COL23A1: variants seen among roughly 807,000 people sequenced by gnomAD.
COL23A1 encodes collagen type XXIII alpha 1 chain, also known as collagen alpha-1(XXIII) chain.
COL23A1 carries 97 observed loss-of-function variants against 99.3 expected under a neutral mutation model. The observed-to-expected ratio is 0.98, with a 90% CI of 0.83 to 1.16. The LOEUF is 1.16. Ranked by LOEUF, COL23A1 falls within the 50% of genes most tolerant of loss-of-function variation. The probability of loss-of-function intolerance (pLI) is 0.00; values close to 1 mark genes in which losing one functional copy is unlikely to be tolerated. For synonymous variants in COL23A1, 320 were observed against 308.2 expected, an observed-to-expected ratio of 1.04 and a Z score of -0.40; for missense variants, 762 against 757.4, an observed-to-expected ratio of 1.01 and a Z score of -0.07.
intron 2 of COL23A1, among the ~76,000 whole-genome samples, chr5:178,431,966 G>C (rs1282304547): frequency 1.3e-5 from 2 of 152,210 alleles, no homozygotes; most frequent in Non-Finnish European, 2.9e-5. Context: ...CTCTGACTCA[G>C]ACTTTCTCTG....
At chr5:178,251,792 A>G (rs1765042205) in intron 17 of COL23A1, among the ~76,000 whole-genome samples, 1 of 151,448 alleles carries the variant, frequency 6.6e-6, no homozygotes, top group Admixed American at 6.6e-5. Flanking sequence ...TCCAGTATTT[A>G]TTATTCCCAT....
In COL23A1 at chr5:178,308,506, G is replaced by C. The variant is rs1758487911; in HGVS notation, c.362-1587C>G. Among the ~76,000 whole-genome samples, 2 of 152,190 alleles carry C rather than the reference G, an allele frequency of 1.3e-5. No individual in the cohort carries two copies. Among genetic ancestry groups the C allele is most frequent in the African/African-American group, 4.8e-5 (2 of 41,432 alleles). On this transcript the variant is annotated intron_variant, in intron 2 of 28. Transcript: ENST00000390654. The surrounding 1 kb of genome is among the most constrained non-coding windows in gnomAD (Gnocchi z 5.1). ...AATTGCCAGGGGCTGTGTTGAGCTG[G>C]TGAGGCTAGGACTCTGGGACCCTCA...
Position 178,250,119 on chromosome 5 carries a change from G to A in COL23A1, c.1015-14C>T, listed in dbSNP as rs796447907. On this transcript the variant is annotated splice_polypyrimidine_tract_variant and intron_variant, in intron 17 of 28. Coordinates refer to ENST00000390654, the MANE Select transcript of COL23A1 (RefSeq NM_173465.4). ...TCCAAGCTCGCCCTGGAAGGGAAGA[G>A]ATGGCAAGAGGGGTTATGCCTTCCT... 6.2e-7 allele frequency: 1 copy of A among 1,614,098 alleles called. No individual in the cohort carries two copies. Among genetic ancestry groups the A allele is most frequent in the South Asian group, 1.1e-5 (1 of 91,078 alleles).
intron 2 of COL23A1, among the ~76,000 whole-genome samples, chr5:178,500,744 A>C (rs1331364685): frequency 6.6e-6 from 1 of 152,160 alleles, no homozygotes; most frequent in African/African-American, 2.4e-5. Flanking sequence ...AAAAACATTA[A>C]AATTTTTAGA....
chr5:178,451,972 CA>C (rs1016511155), intron 2 of COL23A1, among the ~76,000 whole-genome samples: 104 of 151,976 alleles, frequency 6.8e-4, no homozygotes, highest in African/African-American at 2.4e-3. Context: ...ATAATTCACA[CA>C]AAAAAATACC....
chr5:178,463,917 C>G (rs1756268275), intron 2 of COL23A1, among the ~76,000 whole-genome samples: 1 of 152,058 alleles, frequency 6.6e-6, no homozygotes. Flanking sequence ...GTGCAGAGAC[C>G]TCAGGCTGCA....
chr5:178,376,773 G>C (rs1414385302), intron 2 of COL23A1, among the ~76,000 whole-genome samples: 2 of 152,196 alleles, frequency 1.3e-5, no homozygotes, highest in African/African-American at 4.8e-5. Flanking sequence ...CCATCTGCAA[G>C]GCGAAAGTCA....
At chr5:178,330,397 C>T (rs896424168) in intron 2 of COL23A1, among the ~76,000 whole-genome samples, 11 of 152,210 alleles carry the variant, frequency 7.2e-5, no homozygotes, top group Non-Finnish European at 1.5e-4. Context: ...TGGCCCATGC[C>T]TGTAATCCCA....
Position 178,267,352 on chromosome 5 carries a change from G to C in COL23A1, c.496-19C>G. Reference sequence around the variant, plus strand: ...GTGCACCCTGGGAACAAAAGACAGGGAGAGGCATCACCACTGCTTTCATCG... The same window carrying C: ...GTGCACCCTGGGAACAAAAGACAGGCAGAGGCATCACCACTGCTTTCATCG... On this transcript the variant is annotated intron_variant, in intron 7 of 28. Transcript: ENST00000390654. The C allele has an allele frequency of 6.2e-7, 1 of 1,613,460 alleles. No homozygotes were observed. Among genetic ancestry groups the C allele is most frequent in the Non-Finnish European group, 8.5e-7 (1 of 1,179,738 alleles).
intron 2 of COL23A1, among the ~76,000 whole-genome samples, chr5:178,449,941 A>C (rs951295152): frequency 2.6e-5 from 4 of 152,084 alleles, no homozygotes; most frequent in Non-Finnish European, 5.9e-5. Flanking sequence ...CAGAAGAACA[A>C]CACCTGACCT....
chr5:178,586,863 G>C (rs146218858), intron 1 of COL23A1, among the ~76,000 whole-genome samples: 1 of 152,278 alleles, frequency 6.6e-6, no homozygotes, highest in Non-Finnish European at 1.5e-5. Flanking sequence ...ATTTGACTCT[G>C]GGTTGACAGT....
chr5:178,322,415 C>G (rs760964208), intron 2 of COL23A1, among the ~76,000 whole-genome samples: 1 of 152,222 alleles, frequency 6.6e-6, no homozygotes, highest in Non-Finnish European at 1.5e-5. Context: ...TGGCATGAGC[C>G]GCTGCATGTG....
intron 2 of COL23A1, among the ~76,000 whole-genome samples, chr5:178,555,252 C>A (rs1031984911): frequency 1.3e-5 from 2 of 152,130 alleles, no homozygotes; most frequent in Non-Finnish European, 2.9e-5. Flanking sequence ...TTGTTATCTC[C>A]AAACACAGTC....
chr5:178,319,514 G>A (rs1759168560), intron 2 of COL23A1, among the ~76,000 whole-genome samples: 1 of 152,230 alleles, frequency 6.6e-6, no homozygotes. Context: ...TAGGTGGGCA[G>A]GTGAGGCCTG....
chr5:178,320,946 T>G (rs1212766411), intron 2 of COL23A1, among the ~76,000 whole-genome samples: 1 of 152,226 alleles, frequency 6.6e-6, no homozygotes, highest in Non-Finnish European at 1.5e-5. Flanking sequence ...GGCTGTGCGC[T>G]CAGCCATAGG....
chr5:178,374,976 G>A (rs916286275), intron 2 of COL23A1, among the ~76,000 whole-genome samples: 1 of 152,180 alleles, frequency 6.6e-6, no homozygotes, highest in African/African-American at 2.4e-5. Flanking sequence ...GCACACAAAT[G>A]TTCATAGAAG....
At chr5:178,337,769 G>A (rs1043278309) in intron 2 of COL23A1, among the ~76,000 whole-genome samples, 2 of 152,142 alleles carry the variant, frequency 1.3e-5, no homozygotes, top group African/African-American at 2.4e-5. Flanking sequence ...ATCACTCACT[G>A]TCCACCATTA....
intron 2 of COL23A1, among the ~76,000 whole-genome samples, chr5:178,464,099 G>A (rs527838369): frequency 2.6e-5 from 4 of 152,284 alleles, no homozygotes; most frequent in East Asian, 1.9e-4. Flanking sequence ...ACGTTTAAGC[G>A]TACAGCTCAG....
intron 14 of COL23A1, 132 bp from the exon 15 acceptor site, chr5:178,256,529 A>T (rs1765308841): frequency 2.6e-6 from 2 of 765,390 alleles, no homozygotes; most frequent in African/African-American, 3.5e-5. Flanking sequence ...AGCCAAATGT[A>T]TGAGAACAGC....
Sources: gnomAD v4.1 joint callset for allele counts (sites outside exome capture counted in the v4.1 genomes callset) on GRCh38, gnomAD v4.1.1 for gene constraint, Gnocchi (gnomAD v3.1) non-coding constraint, MANE v1.5 for transcripts, NCBI Gene and HGNC (gene_info 2026-07-23, HGNC 2026-07-21) for gene names.